KHDRBS3: variants seen among roughly 807,000 people sequenced by gnomAD.
KHDRBS3 encodes KH RNA binding domain containing, signal transduction associated 3.
A neutral mutation model predicts 45.6 loss-of-function variants in KHDRBS3; 23 were observed. That is an observed-to-expected ratio of 0.50 (90% confidence interval 0.36 to 0.72). KHDRBS3 has a LOEUF of 0.72. Ranked by LOEUF, KHDRBS3 falls within the 30% of genes least tolerant of loss-of-function variation. KHDRBS3 has a pLI of 0.00. For missense variants in KHDRBS3, 352 were observed against 424.8 expected (o/e 0.83, Z 1.51); for synonymous variants, 162 against 156.5 (o/e 1.04, Z -0.26).
At chr8:135,568,776 G>T (rs576338993) in intron 5 of KHDRBS3, among the ~76,000 whole-genome samples, 1 of 152,268 alleles carries the variant, frequency 6.6e-6, no homozygotes, top group South Asian at 2.1e-4. Context: ...AAGACTGACC[G>T]GTCATCTGAA....
chr8:135,542,984 A>C (rs1212021677), intron 3 of KHDRBS3, among the ~76,000 whole-genome samples: 1 of 152,182 alleles, frequency 6.6e-6, no homozygotes, highest in Non-Finnish European at 1.5e-5. Flanking sequence ...CATAATACTT[A>C]AAGTTTTGAT....
At position 135,481,250 on chromosome 8, in the gene KHDRBS3, A is replaced by ATATATATATATATATATATATATT. The variant is rs1285436029; in HGVS notation, c.88+23297_88+23298insATATATATATATATATATATATTT. On this transcript the variant is annotated intron_variant, in intron 1 of 8. Coordinates refer to ENST00000355849, the MANE Select transcript of KHDRBS3 (RefSeq NM_006558.3). ...TATATATATATATATATATATATAT[A>ATATATATATATATATATATATATT]TTTAATGTAAGCCTTCTGTGTACTT... Among the ~76,000 whole-genome samples, 88 of 125,532 alleles carry ATATATATATATATATATATATATT rather than the reference A, an allele frequency of 7.0e-4. 1 individual carries two copies. Among genetic ancestry groups the ATATATATATATATATATATATATT allele is most frequent in the Non-Finnish European group, 1.1e-3 (65 of 61,798 alleles). 82.4% of individuals were successfully genotyped at this position (125,532 alleles called of 152,430 possible).
intron 7 of KHDRBS3, among the ~76,000 whole-genome samples, chr8:135,637,112 A>G (rs1270993462): frequency 6.6e-6 from 1 of 152,192 alleles, no homozygotes; most frequent in Non-Finnish European, 1.5e-5. Flanking sequence ...ATATTATTCA[A>G]TACCCTCCTG....
At chr8:135,556,959 G>C (rs949691561) in intron 4 of KHDRBS3, among the ~76,000 whole-genome samples, 1 of 152,176 alleles carries the variant, frequency 6.6e-6, no homozygotes, top group Non-Finnish European at 1.5e-5. Flanking sequence ...CAAAAAGCCT[G>C]TGTCCCTGTG....
At chr8:135,489,495 T>G (rs1050727253) in intron 1 of KHDRBS3, among the ~76,000 whole-genome samples, 10 of 152,112 alleles carry the variant, frequency 6.6e-5, no homozygotes, top group African/African-American at 2.2e-4. Flanking sequence ...CTGGCCAATA[T>G]AGTGAAACCC....
intron 7 of KHDRBS3, among the ~76,000 whole-genome samples, chr8:135,638,880 G>C (rs1323408798): frequency 6.6e-6 from 1 of 151,262 alleles, no homozygotes; most frequent in African/African-American, 2.4e-5. Flanking sequence ...AGAATTGCTT[G>C]AACCTGGGAG....
At chr8:135,460,402 G>A (rs1373643934) in intron 1 of KHDRBS3, among the ~76,000 whole-genome samples, 1 of 152,126 alleles carries the variant, frequency 6.6e-6, no homozygotes. Flanking sequence ...CTTGCATTCC[G>A]GTAAGGCAGA....
chr8:135,646,382 T>C (rs1831288958), intron 8 of KHDRBS3, among the ~76,000 whole-genome samples: 1 of 152,204 alleles, frequency 6.6e-6, no homozygotes, highest in Admixed American at 6.5e-5. Context: ...ATGAATGAAA[T>C]CTGACATTAT....
At chr8:135,512,785 T>C (rs891866523) in intron 1 of KHDRBS3, among the ~76,000 whole-genome samples, 18 of 152,200 alleles carry the variant, frequency 1.2e-4, no homozygotes, top group Admixed American at 7.9e-4. Context: ...ATCTTGTTGT[T>C]GGGCACAGGA....
chr8:135,632,660 G>GT lies in KHDRBS3; in HGVS notation c.891-12391dup, dbSNP rs1400633534. Among the ~76,000 whole-genome samples the GT allele has an allele frequency of 5.9e-5, 9 of 151,612 alleles. No homozygotes were observed. The East Asian group carries it at 7.8e-4, about 13-fold the overall frequency. On this transcript the variant is annotated intron_variant, in intron 7 of 8. Transcript: ENST00000355849. ...CCCTTTCTCTATAAATGATAATTCT[G>GT]TTTTTTTTCTTGGAACCAAGAAAAA...
At chr8:135,588,344 C>A (rs1015553833) in intron 6 of KHDRBS3, among the ~76,000 whole-genome samples, 2 of 152,196 alleles carry the variant, frequency 1.3e-5, no homozygotes, top group Admixed American at 6.5e-5. Flanking sequence ...GCATTCCACA[C>A]CCTCTCCAGG....
intron 7 of KHDRBS3, among the ~76,000 whole-genome samples, chr8:135,624,936 C>T (rs1332558253): frequency 3.3e-5 from 5 of 152,104 alleles, no homozygotes; most frequent in African/African-American, 4.8e-5. Context: ...GTGAGCCCCA[C>T]GGTCAGCCTC....
chr8:135,642,455 G>A (rs1215945861), intron 7 of KHDRBS3, among the ~76,000 whole-genome samples: 1 of 152,148 alleles, frequency 6.6e-6, no homozygotes, highest in South Asian at 2.1e-4. Context: ...TCTCACACTC[G>A]TTTTTCTTCT....
At chr8:135,590,744 AC>A (rs1195514771) in intron 6 of KHDRBS3, among the ~76,000 whole-genome samples, 1 of 152,242 alleles carries the variant, frequency 6.6e-6, no homozygotes, top group Non-Finnish European at 1.5e-5. Context: ...TTTAAAAAAT[AC>A]AGACTTGCCA....
intron 7 of KHDRBS3, among the ~76,000 whole-genome samples, chr8:135,637,441 A>G (rs1830860640): frequency 1.3e-5 from 2 of 152,364 alleles, no homozygotes; most frequent in South Asian, 4.1e-4. Flanking sequence ...CATAATAAGC[A>G]GTTAGTAGGT....
At chr8:135,575,685 T>C (rs1472529737) in intron 5 of KHDRBS3, among the ~76,000 whole-genome samples, 1 of 152,210 alleles carries the variant, frequency 6.6e-6, no homozygotes, top group African/African-American at 2.4e-5. Flanking sequence ...TTTAGAACAG[T>C]TGTGGCTTTA....
rs769846201 is a variant in KHDRBS3 at position 135,521,306 on chromosome 8, A to G, written c.158A>G (p.Asn53Ser). The G allele has an allele frequency of 1.2e-6, 2 of 1,613,652 alleles. No individual in the cohort carries two copies. Among genetic ancestry groups the G allele is most frequent in the Non-Finnish European group, 1.7e-6 (2 of 1,179,586 alleles). Residue 53 changes from asparagine (N) to serine (S), a missense_variant, in exon 2 of 9, where the codon AAC (asparagine) becomes AGC (serine). By Grantham distance (46) the Asn-to-Ser change is conservative. Coordinates refer to ENST00000355849, the MANE Select transcript of KHDRBS3 (RefSeq NM_006558.3). ...EKYIDVVINKNMKLGQKVLIP... is the reference protein window; with the variant it reads ...EKYIDVVINKSMKLGQKVLIP... ...TACATCGATGTGGTGATTAATAAGAACATGAAGCTGGGACAGAAAGTGTTA... is the reference window on the plus strand; with the variant it reads ...TACATCGATGTGGTGATTAATAAGAGCATGAAGCTGGGACAGAAAGTGTTA...
At chr8:135,607,395 G>A (rs1278064390) in intron 7 of KHDRBS3, among the ~76,000 whole-genome samples, 1 of 152,160 alleles carries the variant, frequency 6.6e-6, no homozygotes, top group Non-Finnish European at 1.5e-5. Context: ...TCAGTGCCTG[G>A]AGAAGAAAGT....
At chr8:135,627,633 C>CA (rs1830430357) in intron 7 of KHDRBS3, among the ~76,000 whole-genome samples, 1 of 152,018 alleles carries the variant, frequency 6.6e-6, no homozygotes. Context: ...GTACATACAG[C>CA]AAAGAGCATA....
Sources: gnomAD v4.1 joint callset for allele counts (sites outside exome capture counted in the v4.1 genomes callset) on GRCh38, gnomAD v4.1.1 for gene constraint, MANE v1.5 for transcripts, NCBI Gene and HGNC (gene_info 2026-07-23, HGNC 2026-07-21) for gene names.